EPHA3: variants seen among roughly 807,000 people sequenced by gnomAD.
EPHA3 encodes ephrin type-A receptor 3.
EPHA3 carries 42 observed loss-of-function variants against 107.1 expected under a neutral mutation model. That is an observed-to-expected ratio of 0.39 (90% CI 0.31 to 0.51). EPHA3 has a LOEUF of 0.51. Ranked by LOEUF, EPHA3 falls within the 20% of genes least tolerant of loss-of-function variation. The pLI is 0.78. For missense variants in EPHA3, 1,183 were observed against 1,211.2 expected, an observed-to-expected ratio of 0.98 and a Z score of 0.35; for synonymous variants, 461 against 424.8, an observed-to-expected ratio of 1.09 and a Z score of -1.05.
intron 2 of EPHA3, among the ~76,000 whole-genome samples, chr3:89,202,769 G>A (rs983159504): frequency 6.6e-6 from 1 of 151,942 alleles, no homozygotes; most frequent in Non-Finnish European, 1.5e-5. Flanking sequence ...AAAATCAATT[G>A]TCTTCTTCAT....
chr3:89,318,895 A>C (rs1002468171), intron 3 of EPHA3, among the ~76,000 whole-genome samples: 6 of 151,972 alleles, frequency 3.9e-5, no homozygotes, highest in African/African-American at 1.4e-4. Flanking sequence ...GAACACACAC[A>C]CATCCTTCCC....
rs762658976 is a variant in EPHA3 at position 89,210,312 on chromosome 3, C to T, written c.606C>T (p.Cys202=). 8.1e-5 allele frequency: 130 copies of T among 1,613,358 alleles called. No individual in the cohort carries two copies. The highest frequency in any genetic ancestry group is 1.1e-4 in the Non-Finnish European group (125 of 1,179,754). The change falls in exon 3 of 17, where the codon TGC becomes TGT. Residue 202 remains cysteine (C), a synonymous_variant. Transcript: ENST00000336596. The part of the protein sequence containing the change: ...LVSVRVYFKK[C]PFTVKNLAMF... ...CTGTGAGAGTATACTTCAAAAAGTG[C>T]CCATTTACAGTGAAGAATCTGGCTA...
At chr3:89,210,584 T>A (rs1267017741) in intron 3 of EPHA3, 64 bp downstream of exon 3, 14 of 1,461,528 alleles carry the variant, frequency 9.6e-6, no homozygotes, top group Non-Finnish European at 1.2e-5. Flanking sequence ...CATAGTGTCA[T>A]TAAATGAAAT....
intron 1 of EPHA3, among the ~76,000 whole-genome samples, chr3:89,123,155 G>A (rs1221104658): frequency 1.3e-5 from 2 of 151,964 alleles, no homozygotes; most frequent in African/African-American, 2.4e-5. Context: ...GCTTTGTTTT[G>A]TTTGTTTTTG....
chr3:89,399,736 T>TA (rs202179455), intron 7 of EPHA3: 271,156 of 1,179,818 alleles, frequency 0.23, 24,007 homozygotes, highest in Non-Finnish European at 0.25. Flanking sequence ...GTTTTTTTTT[T>TA]TTAGCCATAA....
chr3:89,476,700 T>C lies in EPHA3; in HGVS notation c.2847-2697T>C, dbSNP rs1018781637. On this transcript the variant is annotated intron_variant, in intron 16 of 16. Transcript: ENST00000336596. ...TCGGCTCACTGCAAGCTCCGCCTCC[T>C]GGGTTCACGCCATTCTCCTGCCTCA... Among the ~76,000 whole-genome samples the C allele has an allele frequency of 3.3e-5, 5 of 151,672 alleles. No individual in the cohort carries two copies. In the South Asian group the frequency reaches 8.3e-4, roughly 25 times the overall value.
intron 2 of EPHA3, among the ~76,000 whole-genome samples, chr3:89,201,634 G>T (rs1344069380): frequency 6.6e-6 from 1 of 151,886 alleles, no homozygotes; most frequent in East Asian, 1.9e-4. Context: ...CCAAAAATTG[G>T]GTTAATAATC....
chr3:89,241,743 G>T (rs1268724469), intron 3 of EPHA3, among the ~76,000 whole-genome samples: 2 of 151,926 alleles, frequency 1.3e-5, no homozygotes, highest in Admixed American at 6.6e-5. Flanking sequence ...TACATTCTTT[G>T]TTTCTCATCT....
At chr3:89,239,238 G>A (rs2107240328) in intron 3 of EPHA3, among the ~76,000 whole-genome samples, 1 of 152,254 alleles carries the variant, frequency 6.6e-6, no homozygotes, top group East Asian at 1.9e-4. Context: ...CAAAGTAAAT[G>A]CTGTCTTACC....
intron 13 of EPHA3, among the ~76,000 whole-genome samples, chr3:89,432,511 CCTCCCTCCTCAGCCTGCTGAGTAGCT>C (rs1379929722): frequency 4.6e-5 from 7 of 152,006 alleles, no homozygotes; most frequent in African/African-American, 1.7e-4. Flanking sequence ...CTCAAGTGAT[CCTCCCTCCTCAGCCTGCTGAGTAGCT>C]GGGATTACAG....
chr3:89,210,269 C>G lies in EPHA3; in HGVS notation c.563C>G (p.Ala188Gly), dbSNP rs1187836345. Residue 188 changes from alanine to glycine, a missense_variant, in exon 3 of 17, where the codon GCT becomes GGT. By Grantham distance (60) the Ala-to-Gly change is moderately conservative. Transcript: ENST00000336596. ...TATTTGGCATTTCAAGATGTTGGTG[C>G]TTGTGTTGCCTTGGTGTCTGTGAGA... ...GFYLAFQDVG[A>G]CVALVSVRVY... The G allele has an allele frequency of 1.2e-6, 2 of 1,613,816 alleles. No individual in the cohort carries two copies. The highest frequency in any genetic ancestry group is 1.3e-5 in the African/African-American group (1 of 74,876).
chr3:89,269,429 GT>G (rs532962683), intron 3 of EPHA3, among the ~76,000 whole-genome samples: 9 of 151,504 alleles, frequency 5.9e-5, no homozygotes, highest in Admixed American at 3.3e-4. Context: ...ATAGAGAATA[GT>G]TTTTTTTATA....
chr3:89,372,141 A>T (rs553772964), intron 5 of EPHA3, among the ~76,000 whole-genome samples: 6 of 151,732 alleles, frequency 4.0e-5, no homozygotes, highest in African/African-American at 1.4e-4. Context: ...ACATTTGCCC[A>T]TCTTGGAATC....
intron 13 of EPHA3, among the ~76,000 whole-genome samples, chr3:89,431,613 C>T (rs1222281147): frequency 6.6e-6 from 1 of 152,138 alleles, no homozygotes; most frequent in Non-Finnish European, 1.5e-5. Flanking sequence ...AAGATTCTCA[C>T]ATTCCTCAAA....
At chr3:89,139,408 C>T (rs769406214) in intron 2 of EPHA3, among the ~76,000 whole-genome samples, 16 of 151,686 alleles carry the variant, frequency 1.1e-4, no homozygotes, top group South Asian at 2.1e-4. Flanking sequence ...AATCTGTATC[C>T]GTATTGTTGG....
At chr3:89,110,109 A>G (rs1395511603) in intron 1 of EPHA3, among the ~76,000 whole-genome samples, 3 of 152,014 alleles carry the variant, frequency 2.0e-5, no homozygotes, top group Non-Finnish European at 4.4e-5. Context: ...AGGAGTGGTG[A>G]TTTAAAAATG....
At chr3:89,157,921 T>G (rs1262475272) in intron 2 of EPHA3, among the ~76,000 whole-genome samples, 3 of 151,164 alleles carry the variant, frequency 2.0e-5, no homozygotes, top group Admixed American at 6.6e-5. Flanking sequence ...AGGGCTGAAA[T>G]TTTAAATAGA....
chr3:89,311,652 A>C (rs1336886912), intron 3 of EPHA3, among the ~76,000 whole-genome samples: 1 of 152,060 alleles, frequency 6.6e-6, no homozygotes, highest in Non-Finnish European at 1.5e-5. Context: ...CAAGCCATCA[A>C]CTGTCTCTTA....
intron 5 of EPHA3, among the ~76,000 whole-genome samples, chr3:89,395,174 A>G (rs985472604): frequency 3.3e-5 from 5 of 152,194 alleles, no homozygotes; most frequent in Admixed American, 2.6e-4. Context: ...GGTAATTGTA[A>G]CACATATAGC....
Sources: allele counts gnomAD v4.1 joint callset (sites outside exome capture counted in the v4.1 genomes callset), GRCh38; gene constraint gnomAD v4.1.1; transcripts MANE v1.5; gene names NCBI Gene and HGNC (gene_info 2026-07-23, HGNC 2026-07-21).